Variants in TJP1 observed in about 807,000 individuals in gnomAD.
TJP1 encodes the protein tight junction protein 1.
A neutral mutation model predicts 194.2 loss-of-function variants in TJP1; 43 were observed. The observed-to-expected ratio is 0.22, with a 90% CI of 0.17 to 0.29. The LOEUF is 0.29. TJP1 is among the 10% of genes least tolerant of loss of function. TJP1 has a pLI of 1.00. For synonymous variants in TJP1, 801 were observed against 779.0 expected (o/e 1.03, Z -0.47); for missense variants, 1,971 against 2,185.7 (o/e 0.90, Z 1.96).
At chr15:29,812,741 G>A (rs2049612700) in intron 1 of TJP1, among the ~76,000 whole-genome samples, 1 of 152,146 alleles carries the variant, frequency 6.6e-6, no homozygotes, top group South Asian at 2.1e-4. Context: ...AGAGATAATC[G>A]TAGTATCTAA....
At chr15:29,968,562 GC>G (rs1265666313) in intron 1 of TJP1, 2 of 813,204 alleles carry the variant, frequency 2.5e-6, no homozygotes, top group Non-Finnish European at 3.0e-6. Context: ...TCGCGGCCTC[GC>G]CCCCCGCCCG....
chr15:29,944,446 TG>T (rs778871493), intron 2 of TJP1, among the ~76,000 whole-genome samples: 53 of 152,266 alleles, frequency 3.5e-4, no homozygotes, highest in Non-Finnish European at 4.0e-4. Context: ...GACCAGCTTT[TG>T]TTGGTGGGGG....
intron 16 of TJP1, among the ~76,000 whole-genome samples, chr15:29,727,472 T>C (rs1595654576): frequency 6.6e-6 from 1 of 152,320 alleles, no homozygotes; most frequent in South Asian, 2.1e-4. Flanking sequence ...GAGCACATAT[T>C]AAAAAACTAA....
At chr15:29,792,345 T>A (rs1362722145) in intron 2 of TJP1, among the ~76,000 whole-genome samples, 1 of 152,242 alleles carries the variant, frequency 6.6e-6, no homozygotes, top group East Asian at 1.9e-4. Context: ...CCAGCACCAT[T>A]TATTGCAGAC....
At chr15:29,956,449 C>A in intron 1 of TJP1, 1 of 1,188,892 alleles carries the variant, frequency 8.4e-7, no homozygotes, top group Non-Finnish European at 1.1e-6. Context: ...TACTCAAAGG[C>A]AGCTTTGGAA....
At chr15:29,815,671 C>T (rs748885780) in intron 1 of TJP1, among the ~76,000 whole-genome samples, 1 of 152,230 alleles carries the variant, frequency 6.6e-6, no homozygotes, top group Admixed American at 6.5e-5. Flanking sequence ...GAATTTTTAT[C>T]ATATCAGGGG....
chr15:29,831,141 T>C (rs1481921144), intron 2 of TJP1, among the ~76,000 whole-genome samples: 1 of 152,202 alleles, frequency 6.6e-6, no homozygotes, highest in South Asian at 2.1e-4. Flanking sequence ...CTGTAAGCTG[T>C]CAATTAAAAG....
chr15:29,849,255 A>G (rs191718429), intron 2 of TJP1, among the ~76,000 whole-genome samples: 142 of 152,208 alleles, frequency 9.3e-4, no homozygotes, highest in Non-Finnish European at 1.7e-3. Flanking sequence ...AGTTACATGT[A>G]TGTTTGTTTT....
chr15:29,879,532 T>G (rs1022902435), intron 2 of TJP1, among the ~76,000 whole-genome samples: 1 of 152,166 alleles, frequency 6.6e-6, no homozygotes, highest in Non-Finnish European at 1.5e-5. Context: ...TGATTATTAG[T>G]CGGGTGAACT....
chr15:29,958,824 G>C (rs1007775493), intron 1 of TJP1, among the ~76,000 whole-genome samples: 1 of 152,120 alleles, frequency 6.6e-6, no homozygotes, highest in African/African-American at 2.4e-5. Flanking sequence ...CTTAGAAATA[G>C]TGTTCAGGTT....
intron 23 of TJP1, among the ~76,000 whole-genome samples, chr15:29,716,277 A>G (rs1370677637): frequency 6.6e-6 from 1 of 152,262 alleles, no homozygotes; most frequent in African/African-American, 2.4e-5. Context: ...AAATAAAAAC[A>G]GAAAAGAAAA....
chr15:29,966,638 T>C (rs2056343612), intron 1 of TJP1, among the ~76,000 whole-genome samples: 3 of 146,342 alleles, frequency 2.0e-5, no homozygotes, highest in South Asian at 2.3e-4. Context: ...AGAAGCTTTC[T>C]GGTACATTTG....
At chr15:29,795,560 C>CA (rs1341204364) in intron 2 of TJP1, among the ~76,000 whole-genome samples, 10 of 152,064 alleles carry the variant, frequency 6.6e-5, no homozygotes, top group African/African-American at 2.4e-4. Context: ...AAAACTCTAG[C>CA]ACCAGGTAAC....
At chr15:29,707,665 T>C (rs2041983124) in intron 25 of TJP1, among the ~76,000 whole-genome samples, 1 of 152,164 alleles carries the variant, frequency 6.6e-6, no homozygotes. Context: ...CGCCGTGGAA[T>C]GAAAGACAGG....
chr15:29,854,247 G>T (rs1013556254), intron 2 of TJP1, among the ~76,000 whole-genome samples: 1 of 152,110 alleles, frequency 6.6e-6, no homozygotes, highest in Non-Finnish European at 1.5e-5. Flanking sequence ...GTAGCTGCAG[G>T]ATGGCTTCTG....
chr15:29,904,558 C>CA (rs762087857), intron 2 of TJP1, among the ~76,000 whole-genome samples: 2,143 of 136,284 alleles, frequency 0.016, 26 homozygotes, highest in Non-Finnish European at 0.019. Context: ...AATAATTTAC[C>CA]AAAAAAAAAA....
chr15:29,816,265 G>C (rs544833253), intron 1 of TJP1, among the ~76,000 whole-genome samples: 1 of 152,106 alleles, frequency 6.6e-6, no homozygotes, highest in African/African-American at 2.4e-5. Context: ...CCGCCCTCAG[G>C]TGATATGCCC....
intron 2 of TJP1, among the ~76,000 whole-genome samples, chr15:29,837,165 C>T (rs775285380): frequency 6.6e-6 from 1 of 151,988 alleles, no homozygotes; most frequent in Non-Finnish European, 1.5e-5. Flanking sequence ...TTAAACAGAA[C>T]AACAATAGAA....
At position 29,701,356 on chromosome 15, in the gene TJP1, A is replaced by G. The variant is rs1343632380; in HGVS notation, c.*239T>C. The G allele has an allele frequency of 2.8e-5, 11 of 390,188 alleles. No homozygotes were observed. Among genetic ancestry groups the G allele is most frequent in the Middle Eastern group, 7.0e-4 (1 of 1,436 alleles). The allele number at this position is 390,188 out of a possible 1,614,324, so 24.2% of individuals were successfully genotyped here. Reference sequence around the variant, plus strand: ...AAAATTACAAAAATCACAAAGCAAAATATCTTTGAACCTCTAGCCAATACC... The same window carrying G: ...AAAATTACAAAAATCACAAAGCAAAGTATCTTTGAACCTCTAGCCAATACC... On this transcript the variant is annotated 3_prime_UTR_variant, in exon 28 of 28. Transcript: ENST00000614355.
Sources: gnomAD v4.1 joint callset for allele counts (sites outside exome capture counted in the v4.1 genomes callset) on GRCh38, gnomAD v4.1.1 for gene constraint, MANE v1.5 for transcripts, NCBI Gene and HGNC (gene_info 2026-07-23, HGNC 2026-07-21) for gene names.